The following TLK2 variants were observed in gnomAD, a reference collection of about 807,000 sequenced individuals.
TLK2 encodes tousled like kinase 2.
In TLK2, 6 loss-of-function variants were observed where a neutral mutation model predicts 117.3. The observed-to-expected ratio is 0.05, with a 90% CI of 0.03 to 0.10. The LOEUF (loss-of-function observed/expected upper bound fraction) is 0.10. Ranked by LOEUF, TLK2 falls within the 10% of genes least tolerant of loss-of-function variation. TLK2 has a pLI of 1.00. For synonymous variants in TLK2, 257 were observed against 316.7 expected, an observed-to-expected ratio of 0.81 and a Z score of 2.00; for missense variants, 299 against 901.2, an observed-to-expected ratio of 0.33 and a Z score of 8.56.
chr17:62,486,922 A>G (rs1350573759), intron 2 of TLK2, among the ~76,000 whole-genome samples: 2 of 152,362 alleles, frequency 1.3e-5, no homozygotes, highest in Non-Finnish European at 2.9e-5. Context: ...AATTATAGCC[A>G]TGTCAATGAT....
rs769841221 is a variant in TLK2, at chr17:62,552,363, A to C, written c.593A>C (p.Gln198Pro). 1.1e-5 allele frequency: 17 copies of C among 1,613,336 alleles called. No individual in the cohort carries two copies. The highest frequency in any genetic ancestry group is 8.0e-5 in the African/African-American group (6 of 74,904). ...AACACAGAGCATTCCTGCAGCTCCCAAAAACAGATCTCCATCCAGCACAGA... is the reference window on the plus strand; with the variant it reads ...AACACAGAGCATTCCTGCAGCTCCCCAAAACAGATCTCCATCCAGCACAGA... ...SGNTEHSCSS[Q>P]KQISIQHRQT... The change falls in exon 8 of 22, where the codon CAA (glutamine) becomes CCA (proline). Residue 198 changes from glutamine to proline, a missense_variant. Transcript: ENST00000346027.
chr17:62,503,098 C>T lies in TLK2; in HGVS notation c.82-17675C>T, dbSNP rs576907925. On this transcript the variant is annotated intron_variant, in intron 2 of 21. Transcript: ENST00000346027. ...TTTTTGAGACGGAGTCTCGCTCTCT[C>T]GCCCAGGCTGGAGTGCAGTGGCGCG... Among the ~76,000 whole-genome samples the T allele has an allele frequency of 1.8e-4, 24 of 137,078 alleles. No homozygotes were observed. In the South Asian group the frequency reaches 3.1e-3, roughly 18 times the overall value. The allele number at this position is 137,078 out of a possible 152,430, so 89.9% of individuals were successfully genotyped here.
chr17:62,556,294 G>C (rs1425156906), intron 9 of TLK2, among the ~76,000 whole-genome samples: 3 of 152,172 alleles, frequency 2.0e-5, no homozygotes. Flanking sequence ...GGCAGAGGCA[G>C]CTTTATGACC....
chr17:62,503,419 T>A (rs1432335541), intron 2 of TLK2, among the ~76,000 whole-genome samples: 1 of 147,142 alleles, frequency 6.8e-6, no homozygotes, highest in African/African-American at 2.5e-5. Flanking sequence ...TTATAACTTT[T>A]TTTTTTTTTT....
chr17:62,537,409 G>A (rs1485809770), intron 7 of TLK2, among the ~76,000 whole-genome samples: 1 of 152,234 alleles, frequency 6.6e-6, no homozygotes, highest in African/African-American at 2.4e-5. Flanking sequence ...TCGTGATAGT[G>A]TTAATTAGAC....
At chr17:62,512,387 T>C (rs1307989952) in intron 2 of TLK2, among the ~76,000 whole-genome samples, 3 of 151,976 alleles carry the variant, frequency 2.0e-5, no homozygotes, top group Middle Eastern at 3.4e-3. Flanking sequence ...CACGCCTGGC[T>C]AATTTTGTAT....
At chr17:62,568,703 G>GCCT (rs2080009706) in intron 11 of TLK2, among the ~76,000 whole-genome samples, 1 of 151,750 alleles carries the variant, frequency 6.6e-6, no homozygotes. Flanking sequence ...TCCTGCCTCA[G>GCCT]CCTCCTCAGT....
At chr17:62,498,008 T>C (rs1284463139) in intron 2 of TLK2, among the ~76,000 whole-genome samples, 2 of 152,180 alleles carry the variant, frequency 1.3e-5, no homozygotes, top group Non-Finnish European at 2.9e-5. Flanking sequence ...ATCTGACATT[T>C]TAACTAGATT....
At chr17:62,598,689 T>G (rs944510838) in intron 17 of TLK2, among the ~76,000 whole-genome samples, 1 of 150,332 alleles carries the variant, frequency 6.7e-6, no homozygotes, top group Non-Finnish European at 1.5e-5. Context: ...CATGCCTGGC[T>G]AATTTTTGTA....
chr17:62,585,492 T>G (rs1441706169), intron 15 of TLK2: 1 of 152,350 alleles, frequency 6.6e-6, no homozygotes, highest in Non-Finnish European at 1.5e-5. Context: ...GAGCCAAGAT[T>G]GCACCGTTGC....
intron 6 of TLK2, among the ~76,000 whole-genome samples, chr17:62,528,307 T>C (rs561173413): frequency 6.6e-6 from 1 of 152,312 alleles, no homozygotes; most frequent in South Asian, 2.1e-4. Context: ...GTGTTAAATA[T>C]AAAAAATAAA....
intron 10 of TLK2, 54 bp downstream of exon 10, chr17:62,560,180 C>T (rs2079153035): frequency 5.4e-6 from 6 of 1,113,132 alleles, no homozygotes; most frequent in Non-Finnish European, 6.4e-6. Flanking sequence ...CAATGTGTGT[C>T]ATTGTGTGGC....
In TLK2 at chr17:62,503,213, C is replaced by T. The variant is rs192897552; in HGVS notation, c.82-17560C>T. Among the ~76,000 whole-genome samples the T allele has an allele frequency of 1.6e-3, 239 of 151,976 alleles. 2 individuals are homozygous for T. Among genetic ancestry groups the T allele is most frequent in the Non-Finnish European group, 2.5e-3 (173 of 67,964 alleles). On this transcript the variant is annotated intron_variant, in intron 2 of 21. Coordinates refer to ENST00000346027, the MANE Select transcript of TLK2 (RefSeq NM_006852.6). ...CAGCTGGGACTACAGGCACATGCCG[C>T]CATGCTTGGCTAATTTTTGTATTTT...
At chr17:62,545,693 T>G (rs2146027452) in intron 7 of TLK2, among the ~76,000 whole-genome samples, 1 of 148,782 alleles carries the variant, frequency 6.7e-6, no homozygotes, top group Non-Finnish European at 1.5e-5. Context: ...AAAGTTCCTC[T>G]TGTTGTTGTT....
chr17:62,507,825 A>G (rs1368338322), intron 2 of TLK2, among the ~76,000 whole-genome samples: 1 of 151,914 alleles, frequency 6.6e-6, no homozygotes, highest in African/African-American at 2.4e-5. Context: ...TATCCACAGA[A>G]TTTTCTCTAG....
intron 11 of TLK2, among the ~76,000 whole-genome samples, chr17:62,569,435 T>C (rs1379585210): frequency 1.1e-4 from 2 of 18,884 alleles, no homozygotes; most frequent in African/African-American, 1.7e-4. Context: ...AAATACGTGC[T>C]TTTTTTTTTT....
In TLK2 at chr17:62,490,225, T is replaced by G. The variant is rs529421132; in HGVS notation, c.81+9019T>G. ...CTAAACATATACTAGACCTTCTCAT[T>G]GTGTTTTCTCTGCCTCTTACCCTGT... On this transcript the variant is annotated intron_variant, in intron 2 of 21. Transcript: ENST00000346027. 2.6e-5 allele frequency among the ~76,000 whole-genome samples: 4 copies of G among 152,384 alleles called. No homozygotes were observed. In the East Asian group the frequency reaches 7.7e-4, roughly 29 times the overall value.
At chr17:62,507,342 G>A (rs2074784297) in intron 2 of TLK2, 1 of 152,032 alleles carries the variant, frequency 6.6e-6, no homozygotes, top group Non-Finnish European at 1.5e-5. Context: ...TACACATCAA[G>A]GAAGAACTTA....
chr17:62,600,613 C>T (rs774491861), intron 17 of TLK2, 38 bp from the exon 18 acceptor site: 52 of 1,553,424 alleles, frequency 3.3e-5, no homozygotes, highest in African/African-American at 1.1e-4. Flanking sequence ...TCTGCTTGCT[C>T]TTATTCCATG....
Sources: allele counts gnomAD v4.1 joint callset (sites outside exome capture counted in the v4.1 genomes callset), GRCh38; gene constraint gnomAD v4.1.1; transcripts MANE v1.5; gene names NCBI Gene and HGNC (gene_info 2026-07-23, HGNC 2026-07-21).